The following SMARCA1 variants were observed in gnomAD, a reference collection of about 807,000 sequenced individuals.
SMARCA1 encodes SWI/SNF-related matrix-associated actin-dependent regulator of chromatin subfamily A member 1.
In SMARCA1, 17 loss-of-function variants were observed where a neutral mutation model predicts 93.6. That is an observed-to-expected ratio of 0.18 (90% CI 0.12 to 0.27). The LOEUF is 0.27. Ranked by LOEUF, SMARCA1 falls within the 10% of genes least tolerant of loss-of-function variation. SMARCA1 has a pLI of 1.00. For missense variants in SMARCA1, 630 were observed against 819.0 expected (o/e 0.77, Z 2.82); for synonymous variants, 271 against 271.4 (o/e 1.00, Z 0.01).
intron 19 of SMARCA1, among the ~76,000 whole-genome samples, chrX:129,474,185 A>C (rs1485208976): frequency 2.7e-5 from 3 of 111,943 alleles, no homozygotes. Context: ...CAATTATTTC[A>C]ACATTTTTGT....
chrX:129,500,982 A>T (rs1177741462), intron 9 of SMARCA1, among the ~76,000 whole-genome samples: 1 of 112,786 alleles, frequency 8.9e-6, no homozygotes, highest in Non-Finnish European at 1.9e-5. Context: ...GACAGGTTAT[A>T]TCACAAGACA....
At chrX:129,508,559 T>A (rs991280698) in intron 6 of SMARCA1, among the ~76,000 whole-genome samples, 3 of 112,422 alleles carry the variant, frequency 2.7e-5, no homozygotes, top group Non-Finnish European at 5.6e-5. Flanking sequence ...CTCTTGTATG[T>A]CCCTTCTTCA....
chrX:129,522,601 C>T (rs1311857049), intron 1 of SMARCA1, among the ~76,000 whole-genome samples: 1 of 110,960 alleles, frequency 9.0e-6, no homozygotes, highest in Non-Finnish European at 1.9e-5. Flanking sequence ...GGGGTTCAAA[C>T]GAACAAGGGA....
intron 8 of SMARCA1, 89 bp downstream of exon 8, chrX:129,505,991 A>C: frequency 2.8e-6 from 2 of 723,680 alleles, no homozygotes; most frequent in South Asian, 4.1e-5. Flanking sequence ...ACAAATTAAA[A>C]AGTACCATAA....
At chrX:129,463,006 T>C (rs1932832144) in intron 23 of SMARCA1, among the ~76,000 whole-genome samples, 1 of 111,518 alleles carries the variant, frequency 9.0e-6, no homozygotes. Flanking sequence ...TTATAAATAG[T>C]GTTAAGATTT....
chrX:129,475,950 T>C (rs969829642), intron 19 of SMARCA1, among the ~76,000 whole-genome samples: 6 of 112,592 alleles, frequency 5.3e-5, no homozygotes, highest in African/African-American at 1.9e-4. Context: ...CCTCCATTTG[T>C]CAAATGTTTA....
chrX:129,517,659 T>C (rs1421684599), intron 2 of SMARCA1, among the ~76,000 whole-genome samples: 1 of 111,001 alleles, frequency 9.0e-6, no homozygotes, highest in Admixed American at 9.7e-5. Context: ...CTTATTTTTA[T>C]AATATTACTG....
At chrX:129,482,787 T>TTCCTAATTCA (rs1285439600) in intron 17 of SMARCA1, among the ~76,000 whole-genome samples, 2 of 111,956 alleles carry the variant, frequency 1.8e-5, no homozygotes, top group Non-Finnish European at 3.8e-5. Flanking sequence ...GAGAAATGGC[T>TTCCTAATTCA]TCCTAATTCA....
At chrX:129,498,627 G>C (rs761502442) in intron 10 of SMARCA1, among the ~76,000 whole-genome samples, 41 of 111,242 alleles carry the variant, frequency 3.7e-4, no homozygotes, top group Non-Finnish European at 6.4e-4. Flanking sequence ...TAACAATTCT[G>C]AGTATTTACT....
chrX:129,481,382 C>A (rs1457633285), intron 17 of SMARCA1, among the ~76,000 whole-genome samples, 197 bp from the exon 18 acceptor site: 2 of 112,273 alleles, frequency 1.8e-5, no homozygotes, highest in African/African-American at 6.5e-5. Flanking sequence ...AGACAGTTTT[C>A]TTTATTTTTA....
Position 129,511,918 on chromosome X carries a change from A to G in SMARCA1, c.696T>C (p.Pro232=), listed in dbSNP as rs1477429942. The G allele has an allele frequency of 8.3e-7, 1 of 1,208,507 alleles. No individual in the cohort carries two copies. The highest frequency in any genetic ancestry group is 3.0e-5 in the East Asian group (1 of 33,744). ...TTGGAACTAAAACCATGTGAGGTCC[A>G]GGAATATTTCGGTAGTGTTTCAGGT... ...LGYLKHYRNI[P]GPHMVLVPKS... is the part of the protein sequence containing the mutation. The change falls in exon 6 of 25, where the codon CCT becomes CCC. Residue 232 remains proline, a synonymous_variant. Transcript: ENST00000371121.
intron 12 of SMARCA1, among the ~76,000 whole-genome samples, chrX:129,494,923 G>T (rs1457420021): frequency 8.9e-6 from 1 of 112,233 alleles, no homozygotes; most frequent in East Asian, 2.8e-4. Flanking sequence ...GAGTACAGCA[G>T]GTCCTCAAGT....
chrX:129,495,563 C>T (rs922450384), intron 12 of SMARCA1, among the ~76,000 whole-genome samples: 18 of 110,008 alleles, frequency 1.6e-4, no homozygotes, highest in African/African-American at 4.3e-4. Flanking sequence ...TTGTAGAGAC[C>T]GGGTCTCGCT....
At chrX:129,500,137 A>AAG (rs574333552) in intron 9 of SMARCA1, among the ~76,000 whole-genome samples, 10,482 of 109,565 alleles carry the variant, frequency 0.096, 452 homozygotes, top group East Asian at 0.31. Context: ...AAAAAAAAAA[A>AAG]AAGAAGCTGC....
chrX:129,519,383 T>C (rs1245665930), intron 1 of SMARCA1, among the ~76,000 whole-genome samples: 1 of 112,143 alleles, frequency 8.9e-6, no homozygotes, highest in African/African-American at 3.2e-5. Context: ...ATACTTTGCA[T>C]AAGAGAAAAC....
At chrX:129,495,971 C>T (rs1366639135) in intron 12 of SMARCA1, among the ~76,000 whole-genome samples, 1 of 103,869 alleles carries the variant, frequency 9.6e-6, no homozygotes, top group Non-Finnish European at 2.0e-5. Context: ...TAAGTGAGGA[C>T]TTGCTGTACA....
At chrX:129,479,949 C>T (rs1211649921) in intron 19 of SMARCA1, among the ~76,000 whole-genome samples, 4 of 111,615 alleles carry the variant, frequency 3.6e-5, no homozygotes, top group African/African-American at 9.8e-5. Flanking sequence ...CCTTCTGCCT[C>T]GGCCTCCCAA....
chrX:129,494,906 A>G (rs1184093592), intron 12 of SMARCA1, among the ~76,000 whole-genome samples: 1 of 112,441 alleles, frequency 8.9e-6, no homozygotes, highest in African/African-American at 3.2e-5. Context: ...ATCTTTACCC[A>G]AAGCATGAGT....
In SMARCA1 at chrX:129,481,165, A is replaced by G; in HGVS notation, c.2238T>C (p.Ile746=). ...EKQKLGMVEW[I]EPPKRERKAN... ...CTTTGCGTTCTCGTTTAGGAGGTTC[A>G]ATCCATTCCACCATGCCAAGCTATA... Residue 746 remains isoleucine (I), a synonymous_variant, in exon 18 of 25, where the codon ATT becomes ATC. Transcript: ENST00000371121. The G allele has an allele frequency of 8.4e-7, 1 of 1,194,595 alleles. No homozygotes were observed. The highest frequency in any genetic ancestry group is 1.1e-6 in the Non-Finnish European group (1 of 880,664).
Sources: gnomAD v4.1 joint callset for allele counts (sites outside exome capture counted in the v4.1 genomes callset) on GRCh38, gnomAD v4.1.1 for gene constraint, MANE v1.5 for transcripts, NCBI Gene and HGNC (gene_info 2026-07-23, HGNC 2026-07-21) for gene names.